The following EPAS1 variants were observed in gnomAD, a reference collection of about 807,000 sequenced individuals.
EPAS1 encodes the protein endothelial PAS domain-containing protein 1.
Under a neutral mutation model 87.9 loss-of-function variants are expected in EPAS1, and 23 were observed. The observed-to-expected ratio is 0.26, with a 90% CI of 0.19 to 0.37. The LOEUF (loss-of-function observed/expected upper bound fraction) is 0.37, where lower values mean the gene tolerates loss of function less well. EPAS1 is among the 10% of genes least tolerant of loss of function. EPAS1 has a pLI of 1.00. For synonymous variants in EPAS1, 508 were observed against 444.3 expected, an observed-to-expected ratio of 1.14 and a Z score of -1.80; for missense variants, 1,138 against 1,120.7, an observed-to-expected ratio of 1.02 and a Z score of -0.22.
intron 1 of EPAS1, among the ~76,000 whole-genome samples, chr2:46,320,949 G>A (rs899626244): frequency 3.9e-5 from 6 of 152,132 alleles, no homozygotes; most frequent in African/African-American, 9.7e-5. Flanking sequence ...CATTAAGTAC[G>A]TTCATATTGT....
intron 4 of EPAS1, among the ~76,000 whole-genome samples, chr2:46,359,060 A>G (rs1684331599): frequency 2.0e-5 from 3 of 152,006 alleles, no homozygotes; most frequent in African/African-American, 7.3e-5. Context: ...AGAGATCGAG[A>G]CCATCCTGGC....
chr2:46,340,852 A>G (rs1026126371), intron 1 of EPAS1, among the ~76,000 whole-genome samples: 1 of 151,884 alleles, frequency 6.6e-6, no homozygotes, highest in African/African-American at 2.4e-5. Flanking sequence ...CCTCTTGAGT[A>G]GCTGGGACCA....
chr2:46,341,232 T>C (rs114035060), intron 1 of EPAS1, among the ~76,000 whole-genome samples: 1 of 152,202 alleles, frequency 6.6e-6, no homozygotes, highest in Non-Finnish European at 1.5e-5. Flanking sequence ...CAAAGTCTTA[T>C]CTTTTGAGGG....
intron 1 of EPAS1, among the ~76,000 whole-genome samples, chr2:46,325,015 C>G (rs746640771): frequency 6.6e-6 from 1 of 152,142 alleles, no homozygotes; most frequent in African/African-American, 2.4e-5. Context: ...CTCTTAACAT[C>G]GAAAGAGAAG....
rs57351888 is a variant in EPAS1, at chr2:46,359,257, C to CAAAAAAAAAAAAA, written c.455-1369_455-1357dup. 3.4e-3 allele frequency among the ~76,000 whole-genome samples: 86 copies of CAAAAAAAAAAAAA among 25,092 alleles called. 15 individuals are homozygous for CAAAAAAAAAAAAA. The highest frequency in any genetic ancestry group is 0.012 in the African/African-American group (62 of 5,058). The allele number at this position is 25,092 out of a possible 152,430, so 16.5% of individuals were successfully genotyped here. ...CTGGCGACAGAGCAAGATTCTGTCTCAAAAAAAAAAAAAAAAAAAAAAAAG... is the reference window on the plus strand; with the variant it reads ...CTGGCGACAGAGCAAGATTCTGTCTCAAAAAAAAAAAAAAAAAAAAAAAAAAAAAAAAAAAAAG... On this transcript the variant is annotated intron_variant, in intron 4 of 15. Transcript: ENST00000263734.
chr2:46,352,466 G>A (rs1684186561), intron 2 of EPAS1, among the ~76,000 whole-genome samples: 1 of 152,154 alleles, frequency 6.6e-6, no homozygotes. Flanking sequence ...AATGGTGTAG[G>A]GAGCGCGTGC....
rs1336556305 is a variant in EPAS1, at chr2:46,371,316, C to A, written c.886+1383C>A. On this transcript the variant is annotated intron_variant, in intron 7 of 15. Transcript: ENST00000263734. This position sits in a 1 kb window ranked among gnomAD's most constrained non-coding sequence, Gnocchi z 4.3. ...CACAACCCCGCAAGCTGTATGTGAACATGGTTAACCCACTCTTAAGGAGTG... is the reference window on the plus strand; with the variant it reads ...CACAACCCCGCAAGCTGTATGTGAAAATGGTTAACCCACTCTTAAGGAGTG... 6.6e-6 allele frequency among the ~76,000 whole-genome samples: 1 copy of A among 152,178 alleles called. No homozygotes were observed. The highest frequency in any genetic ancestry group is 6.5e-5 in the Admixed American group (1 of 15,284).
At position 46,376,600 on chromosome 2, in the gene EPAS1, C is replaced by T. The variant is rs2103664317; in HGVS notation, c.1096C>T (p.His366Tyr). The T allele has an allele frequency of 6.2e-7, 1 of 1,614,166 alleles. No individual in the cohort carries two copies. Among genetic ancestry groups the T allele is most frequent in the Non-Finnish European group, 8.5e-7 (1 of 1,180,038 alleles). The change falls in exon 9 of 16, where the codon CAC becomes TAC. Residue 366 changes from histidine (H) to tyrosine (Y), a missense_variant. Around this residue, in one of 4 missense-constraint regions of EPAS1, gnomAD observed 284 missense variants for 258.4 expected, o/e 1.10. Transcript: ENST00000263734. Reference sequence around the variant, plus strand: ...CCAGACTGAATCCCTGTTCAAGCCCCACCTGATGGCCATGAACAGCATCTT... The same window carrying T: ...CCAGACTGAATCCCTGTTCAAGCCCTACCTGATGGCCATGAACAGCATCTT... ...MDQTESLFKP[H>Y]LMAMNSIFDS...
chr2:46,302,438 G>C (rs906715785), intron 1 of EPAS1, among the ~76,000 whole-genome samples: 1 of 151,926 alleles, frequency 6.6e-6, no homozygotes, highest in Admixed American at 6.5e-5. Flanking sequence ...CTTCCCTTTT[G>C]CTTTCAGTAC....
chr2:46,382,032 A>C lies in EPAS1; in HGVS notation c.2230A>C (p.Arg744=), dbSNP rs1684908004. The change falls in exon 14 of 16, where the codon AGG becomes CGG. Residue 744 remains arginine, a synonymous_variant. Coordinates refer to ENST00000263734, the MANE Select transcript of EPAS1 (RefSeq NM_001430.5). ...HLMWKRMKNL[R]GGSCPLMPDK... is the part of the protein sequence containing the mutation. ...GATGTGGAAACGGATGAAGAACCTC[A>C]GGGGTGGGAGCTGCCCTTTGATGCC... is the stretch of plus-strand genomic sequence containing the variant. The C allele has an allele frequency of 1.2e-6, 2 of 1,613,940 alleles. No homozygotes were observed. The highest frequency in any genetic ancestry group is 4.5e-5 in the East Asian group (2 of 44,864).
In EPAS1 at chr2:46,375,574, G is replaced by A. The variant is rs1029089979; in HGVS notation, c.887-116G>A. On this transcript the variant is annotated intron_variant, in intron 7 of 15. Transcript: ENST00000263734. This position sits in a 1 kb window ranked among gnomAD's most constrained non-coding sequence, Gnocchi z 4.1. ...TCTCCCTGGTCCTCACTGTCGTGGC[G>A]CCCTGTTCTGTCTGTTCCCCTGCAG... 2.1e-5 allele frequency: 28 copies of A among 1,314,414 alleles called. No individual in the cohort carries two copies. The highest frequency in any genetic ancestry group is 7.3e-5 in the African/African-American group (5 of 68,264). 81.4% of individuals were successfully genotyped at this position (1,314,414 alleles called of 1,614,324 possible).
In EPAS1 at chr2:46,378,093, C is replaced by T. The variant is rs201881042; in HGVS notation, c.1443+6C>T. The T allele has an allele frequency of 9.4e-6, 15 of 1,594,872 alleles. No individual in the cohort carries two copies. The East Asian group carries it at 2.9e-4, about 31-fold the overall frequency. ...GCAGCAGCAGCTGCTCCACGGTGAG[C>T]AGCCCTCTTATGGCGAGGACACAGA... is the stretch of plus-strand genomic sequence containing the variant. On this transcript the variant is annotated splice_donor_region_variant and intron_variant, in intron 10 of 15. Transcript: ENST00000263734.
rs1260590441 is a variant in EPAS1 at position 46,384,640 on chromosome 2, G to A, written c.2593G>A (p.Ala865Thr). 1 of 1,613,918 alleles carries A rather than the reference G, an allele frequency of 6.2e-7. No homozygotes were observed. The highest frequency in any genetic ancestry group is 1.1e-5 in the South Asian group (1 of 91,088). ...TLLQGGDLLR[A>T]LDQAT The stretch of plus-strand genomic sequence containing the variant: ...CCTGCAAGGAGGGGACCTCCTCAGA[G>A]CCCTGGACCAGGCCACCTGAGCCAG... Residue 865 changes from alanine to threonine, a missense_variant, in exon 16 of 16, where the codon GCC becomes ACC. Physicochemically the swap from Ala to Thr is moderately conservative, Grantham distance 58. Coordinates refer to ENST00000263734, the MANE Select transcript of EPAS1 (RefSeq NM_001430.5).
intron 1 of EPAS1, among the ~76,000 whole-genome samples, chr2:46,310,098 A>G (rs947838500): frequency 6.6e-6 from 1 of 152,216 alleles, no homozygotes; most frequent in Non-Finnish European, 1.5e-5. Flanking sequence ...TTCTCAGGGT[A>G]ATAAACGCCA....
intron 1 of EPAS1, among the ~76,000 whole-genome samples, chr2:46,319,131 C>G (rs1683405408): frequency 6.6e-6 from 1 of 152,316 alleles, no homozygotes; most frequent in South Asian, 2.1e-4. Flanking sequence ...GAAATAGCTG[C>G]AAAATAAAAG....
At chr2:46,365,575 C>G (rs533882339) in intron 6 of EPAS1, among the ~76,000 whole-genome samples, 53 of 152,340 alleles carry the variant, frequency 3.5e-4, no homozygotes, top group African/African-American at 1.3e-3. Context: ...TATGTATACT[C>G]TTACCCCTAC....
At chr2:46,299,013 C>A (rs1303555945) in intron 1 of EPAS1, among the ~76,000 whole-genome samples, 1 of 152,236 alleles carries the variant, frequency 6.6e-6, no homozygotes, top group East Asian at 1.9e-4. Context: ...GCGCGGCCGG[C>A]TGAACCGCCT....
chr2:46,339,604 CTG>C (rs1414109565), intron 1 of EPAS1, among the ~76,000 whole-genome samples: 2 of 152,240 alleles, frequency 1.3e-5, no homozygotes, highest in African/African-American at 4.8e-5. Flanking sequence ...GTGTTTTAGA[CTG>C]TAGTGTGTGA....
At chr2:46,332,326 G>A (rs1175130045) in intron 1 of EPAS1, among the ~76,000 whole-genome samples, 3 of 143,820 alleles carry the variant, frequency 2.1e-5, no homozygotes, top group African/African-American at 7.9e-5. Flanking sequence ...GTGTGTGTGT[G>A]TGTGTGTATC....
Sources: gnomAD v4.1 joint callset for allele counts (sites outside exome capture counted in the v4.1 genomes callset) on GRCh38, gnomAD v4.1.1 for gene constraint, gnomAD v4.1.1 regional missense constraint, Gnocchi (gnomAD v3.1) non-coding constraint, MANE v1.5 for transcripts, NCBI Gene and HGNC (gene_info 2026-07-23, HGNC 2026-07-21) for gene names.